The following TANGO6 variants were observed in gnomAD, a reference collection of about 807,000 sequenced individuals.
TANGO6 encodes the protein transport and golgi organization 6 homolog, also known as transport and Golgi organization protein 6 homolog.
In TANGO6, 90 loss-of-function variants were observed where a neutral mutation model predicts 114.2. The ratio of observed to expected loss-of-function variants is 0.79; its 90% CI spans 0.66 to 0.94. The LOEUF is 0.94. Ranked by LOEUF, TANGO6 falls within the 40% of genes least tolerant of loss-of-function variation. The pLI is 0.00. For synonymous variants in TANGO6, 477 were observed against 509.8 expected, an observed-to-expected ratio of 0.94 and a Z score of 0.87; for missense variants, 1,274 against 1,315.3, an observed-to-expected ratio of 0.97 and a Z score of 0.49.
intron 14 of TANGO6, among the ~76,000 whole-genome samples, chr16:68,943,257 C>T (rs1349427921): frequency 2.8e-5 from 4 of 140,804 alleles, no homozygotes; most frequent in Admixed American, 1.4e-4. Context: ...TCTTTTTTTT[C>T]TTTATTTTAT....
chr16:68,910,192 G>A (rs1040922540), intron 11 of TANGO6, among the ~76,000 whole-genome samples: 29 of 152,312 alleles, frequency 1.9e-4, no homozygotes, highest in African/African-American at 6.5e-4. Context: ...TTGTATGGTC[G>A]TCATTGTCAT....
At chr16:68,974,616 G>A (rs1199346313) in intron 15 of TANGO6, among the ~76,000 whole-genome samples, 2 of 152,090 alleles carry the variant, frequency 1.3e-5, no homozygotes, top group Non-Finnish European at 2.9e-5. Context: ...AGTCGAGATC[G>A]CGCCACTGTG....
At chr16:68,915,185 A>C (rs1462559483) in intron 11 of TANGO6, among the ~76,000 whole-genome samples, 1 of 151,936 alleles carries the variant, frequency 6.6e-6, no homozygotes, top group African/African-American at 2.4e-5. Context: ...AAAAAAAAAA[A>C]AAAAAAAGTG....
intron 14 of TANGO6, among the ~76,000 whole-genome samples, chr16:68,935,220 T>A (rs1347641886): frequency 5.3e-5 from 8 of 152,202 alleles, no homozygotes. Flanking sequence ...TAGTACAGGA[T>A]GGGGAGTGCC....
intron 7 of TANGO6, among the ~76,000 whole-genome samples, chr16:68,882,789 C>A (rs552281052): frequency 6.6e-6 from 1 of 151,698 alleles, no homozygotes; most frequent in Non-Finnish European, 1.5e-5. Flanking sequence ...GAGGCCAAGG[C>A]GGGCGGATCA....
At chr16:69,070,044 TAA>T (rs775552668) in intron 17 of TANGO6, among the ~76,000 whole-genome samples, 18 of 75,346 alleles carry the variant, frequency 2.4e-4, no homozygotes, top group Admixed American at 6.3e-4. Flanking sequence ...CTGTCTGTAC[TAA>T]AAAAAAAAAA....
intron 15 of TANGO6, among the ~76,000 whole-genome samples, chr16:68,992,215 T>C (rs1472521181): frequency 6.6e-6 from 1 of 152,180 alleles, no homozygotes; most frequent in Non-Finnish European, 1.5e-5. Context: ...TGGCAGCCAC[T>C]GGGCAGGTAA....
chr16:68,981,901 A>G (rs902297644), intron 15 of TANGO6, among the ~76,000 whole-genome samples: 3 of 152,204 alleles, frequency 2.0e-5, no homozygotes, highest in Non-Finnish European at 4.4e-5. Context: ...AAAATTCAAA[A>G]TCTGAAAAAC....
intron 12 of TANGO6, among the ~76,000 whole-genome samples, chr16:68,926,064 T>C (rs1176921376): frequency 6.8e-6 from 1 of 147,298 alleles, no homozygotes; most frequent in African/African-American, 2.6e-5. Flanking sequence ...GAAATTGTTA[T>C]ATAGAAGAGA....
chr16:68,917,084 C>T (rs1291420214), intron 11 of TANGO6, among the ~76,000 whole-genome samples: 1 of 152,186 alleles, frequency 6.6e-6, no homozygotes, highest in Non-Finnish European at 1.5e-5. Context: ...TCTCTCCTCA[C>T]CCCGGCAACC....
intron 7 of TANGO6, among the ~76,000 whole-genome samples, chr16:68,898,948 T>TATG (rs1400734712): frequency 1.1e-5 from 1 of 89,522 alleles, no homozygotes; most frequent in African/African-American, 5.9e-5. Context: ...TTATCTGCCT[T>TATG]ATTATTATTA....
intron 4 of TANGO6, among the ~76,000 whole-genome samples, chr16:68,873,188 G>C (rs546191060): frequency 6.6e-6 from 1 of 151,760 alleles, no homozygotes; most frequent in Admixed American, 6.6e-5. Flanking sequence ...TCAGATTCTG[G>C]TAAGTACTAC....
At chr16:68,854,618 GTTT>G (rs572025557) in intron 1 of TANGO6, among the ~76,000 whole-genome samples, 1 of 138,234 alleles carries the variant, frequency 7.2e-6, no homozygotes. Context: ...AAAGGTCAAA[GTTT>G]TTTTTTTTTT....
At chr16:69,035,728 AG>A (rs1959674887) in intron 16 of TANGO6, 1 of 152,182 alleles carries the variant, frequency 6.6e-6, no homozygotes, top group South Asian at 2.1e-4. Context: ...AGCTTTCCAT[AG>A]TGTGGTTTAC....
chr16:68,895,166 G>A (rs891102762), intron 7 of TANGO6, among the ~76,000 whole-genome samples: 1 of 152,130 alleles, frequency 6.6e-6, no homozygotes, highest in African/African-American at 2.4e-5. Flanking sequence ...GCAGTACATG[G>A]TAGTTATTGT....
At chr16:68,912,133 C>T (rs562614215) in intron 11 of TANGO6, among the ~76,000 whole-genome samples, 1 of 152,206 alleles carries the variant, frequency 6.6e-6, no homozygotes, top group South Asian at 2.1e-4. Context: ...GTCAGGGTAA[C>T]CAAATGGTAT....
chr16:68,994,838 G>A (rs1963977442), intron 15 of TANGO6, among the ~76,000 whole-genome samples: 1 of 151,950 alleles, frequency 6.6e-6, no homozygotes, highest in African/African-American at 2.4e-5. Context: ...TCCCGCCTCA[G>A]CCTCCCAAAA....
intron 17 of TANGO6, among the ~76,000 whole-genome samples, chr16:69,046,109 C>G (rs1217943552): frequency 6.7e-6 from 1 of 150,156 alleles, no homozygotes; most frequent in African/African-American, 2.4e-5. Context: ...AACCAATAGA[C>G]CACTCATTGG....
chr16:69,024,965 G>A (rs941646783), intron 16 of TANGO6, among the ~76,000 whole-genome samples: 3 of 152,058 alleles, frequency 2.0e-5, no homozygotes, highest in Non-Finnish European at 2.9e-5. Flanking sequence ...GTGCCACCAC[G>A]CCTGGTTAAG....
Sources: gnomAD v4.1 joint callset for allele counts (sites outside exome capture counted in the v4.1 genomes callset) on GRCh38, gnomAD v4.1.1 for gene constraint, MANE v1.5 for transcripts, NCBI Gene and HGNC (gene_info 2026-07-23, HGNC 2026-07-21) for gene names.